Variants in RFX3 observed in about 807,000 individuals in gnomAD.
The protein encoded by RFX3 is transcription factor RFX3.
RFX3 carries 14 observed loss-of-function variants against 98.6 expected under a neutral mutation model. That is an observed-to-expected ratio of 0.14 (90% CI 0.09 to 0.22). The LOEUF is 0.22. RFX3 is among the 10% of genes least tolerant of loss of function. The pLI, the probability that RFX3 is intolerant of heterozygous loss-of-function variation, is 1.00. For missense variants in RFX3, 639 were observed against 926.9 expected, an observed-to-expected ratio of 0.69 and a Z score of 4.03; for synonymous variants, 383 against 328.4, an observed-to-expected ratio of 1.17 and a Z score of -1.80.
rs779400390 is a variant in RFX3 at position 3,330,263 on chromosome 9, G to T, written c.470C>A (p.Ala157Glu). ...SVTHTTRASP[A>E]TIEMAIETLQ... ...ACTAAAAATTCAAATACTTACTGTC[G>T]CTGGGGAGGCCCGAGTTGTGTGTGT... is the stretch of plus-strand genomic sequence containing the variant. The change falls in exon 4 of 17, where the codon GCG (alanine) becomes GAG (glutamate). Residue 157 changes from alanine (A) to glutamate (E), a missense_variant. Around this residue, in one of 9 missense-constraint regions of RFX3, gnomAD observed 210 missense variants for 197.7 expected, o/e 1.06. Coordinates refer to ENST00000617270, the MANE Select transcript of RFX3 (RefSeq NM_001282116.2). The T allele has an allele frequency of 1.2e-6, 2 of 1,613,972 alleles. No homozygotes were observed.
At chr9:3,239,011 A>C (rs1038954991) in intron 15 of RFX3, among the ~76,000 whole-genome samples, 18 of 152,198 alleles carry the variant, frequency 1.2e-4, no homozygotes, top group Admixed American at 2.6e-4. Context: ...AAAAAAAAAA[A>C]AAACAGAGAT....
At chr9:3,468,437 T>C (rs545983448) in intron 1 of RFX3, among the ~76,000 whole-genome samples, 1 of 152,286 alleles carries the variant, frequency 6.6e-6, no homozygotes, top group Non-Finnish European at 1.5e-5. Flanking sequence ...TCTACAATTT[T>C]AAGAATTATG....
At chr9:3,504,525 ATATAT>A (rs969966737) in intron 1 of RFX3, among the ~76,000 whole-genome samples, 1 of 133,114 alleles carries the variant, frequency 7.5e-6, no homozygotes, top group Non-Finnish European at 1.5e-5. Context: ...CATATAAAAT[ATATAT>A]TATATGCCAT....
intron 2 of RFX3, among the ~76,000 whole-genome samples, chr9:3,359,557 C>A (rs1836170858): frequency 1.3e-5 from 2 of 152,014 alleles, no homozygotes. Flanking sequence ...AGAATTCCAG[C>A]CCATCCCTAG....
chr9:3,291,330 G>A (rs1294406503), intron 6 of RFX3, among the ~76,000 whole-genome samples: 1 of 151,874 alleles, frequency 6.6e-6, no homozygotes, highest in African/African-American at 2.4e-5. Context: ...TGAGATTGGG[G>A]CACTGCACTC....
chr9:3,296,172 T>C (rs2986683), intron 5 of RFX3, among the ~76,000 whole-genome samples: 17,612 of 151,896 alleles, frequency 0.12, 2,836 homozygotes, highest in African/African-American at 0.36. Flanking sequence ...CTAGTACAAA[T>C]ATTAAAGTTT....
Position 3,327,278 on chromosome 9 carries a change from C to T in RFX3, c.474+2981G>A, listed in dbSNP as rs146039152. On this transcript the variant is annotated intron_variant, in intron 4 of 16. Coordinates refer to ENST00000617270, the MANE Select transcript of RFX3 (RefSeq NM_001282116.2). ...CATTTCTCACATTTGGCAAGAGGCACATGATATGAAATCTTAAATAGGTTT... is the reference window on the plus strand; with the variant it reads ...CATTTCTCACATTTGGCAAGAGGCATATGATATGAAATCTTAAATAGGTTT... Among the ~76,000 whole-genome samples the T allele has an allele frequency of 6.1e-3, 922 of 152,188 alleles. 3 individuals carry two copies. The highest frequency in any genetic ancestry group is 9.8e-3 in the Non-Finnish European group (666 of 68,000).
chr9:3,450,180 G>A (rs1026462298), intron 1 of RFX3, among the ~76,000 whole-genome samples: 4 of 152,104 alleles, frequency 2.6e-5, no homozygotes, highest in African/African-American at 9.7e-5. Context: ...TACTACTAAG[G>A]TTGCAATCAC....
intron 2 of RFX3, among the ~76,000 whole-genome samples, chr9:3,354,266 A>C (rs1042876906): frequency 3.9e-5 from 6 of 151,908 alleles, no homozygotes; most frequent in Non-Finnish European, 7.4e-5. Context: ...TGAAATGATA[A>C]ACACGAACAG....
intron 6 of RFX3, 132 bp downstream of exon 6, chr9:3,292,945 T>C (rs147237240): frequency 0.014 from 9,225 of 649,746 alleles, 89 homozygotes; most frequent in Non-Finnish European, 0.02. Flanking sequence ...CTGGGGATGT[T>C]ATAAACTGAG....
intron 2 of RFX3, among the ~76,000 whole-genome samples, chr9:3,357,064 T>G (rs1176204354): frequency 6.6e-6 from 1 of 151,646 alleles, no homozygotes; most frequent in Admixed American, 6.6e-5. Context: ...ATACAAATAT[T>G]ATATTTAATA....
chr9:3,496,664 T>C (rs1272475816), intron 1 of RFX3, among the ~76,000 whole-genome samples: 3 of 152,002 alleles, frequency 2.0e-5, no homozygotes, highest in Non-Finnish European at 2.9e-5. Flanking sequence ...AATATTCCCA[T>C]TTTTACATTA....
At chr9:3,503,301 T>A in intron 1 of RFX3, among the ~76,000 whole-genome samples, 1 of 152,264 alleles carries the variant, frequency 6.6e-6, no homozygotes, top group African/African-American at 2.4e-5. Context: ...TATATAATTG[T>A]ATAAGTTCAA....
At chr9:3,501,557 T>C (rs1006612824) in intron 1 of RFX3, among the ~76,000 whole-genome samples, 13 of 145,962 alleles carry the variant, frequency 8.9e-5, no homozygotes, top group Non-Finnish European at 1.5e-4. Flanking sequence ...TTTCCTTCTT[T>C]TTTTTTTTTT....
At chr9:3,354,893 G>C (rs1835567842) in intron 2 of RFX3, among the ~76,000 whole-genome samples, 1 of 151,702 alleles carries the variant, frequency 6.6e-6, no homozygotes, top group South Asian at 2.1e-4. Flanking sequence ...TGACTATGTA[G>C]AGCAAAAATA....
chr9:3,502,170 A>T (rs567461003), intron 1 of RFX3, among the ~76,000 whole-genome samples: 1 of 151,648 alleles, frequency 6.6e-6, no homozygotes, highest in Non-Finnish European at 1.5e-5. Flanking sequence ...GAGGCAGGAG[A>T]ATGGTGTGAA....
chr9:3,434,971 A>G (rs1470842648), intron 1 of RFX3, among the ~76,000 whole-genome samples: 2 of 151,964 alleles, frequency 1.3e-5, no homozygotes, highest in Admixed American at 1.3e-4. Context: ...ATTATAGGCA[A>G]TTGAAACACA....
intron 1 of RFX3, among the ~76,000 whole-genome samples, chr9:3,506,106 A>G (rs1587892013): frequency 6.6e-6 from 1 of 151,982 alleles, no homozygotes; most frequent in African/African-American, 2.4e-5. Context: ...ATGACTTCAC[A>G]AACGGCACTA....
At chr9:3,259,411 T>C (rs1198913964) in intron 13 of RFX3, among the ~76,000 whole-genome samples, 1 of 151,782 alleles carries the variant, frequency 6.6e-6, no homozygotes, top group Non-Finnish European at 1.5e-5. Context: ...ATACTAACAA[T>C]AGAGCGCATT....
Sources: gnomAD v4.1 joint callset for allele counts (sites outside exome capture counted in the v4.1 genomes callset) on GRCh38, gnomAD v4.1.1 for gene constraint, gnomAD v4.1.1 regional missense constraint, MANE v1.5 for transcripts, NCBI Gene and HGNC (gene_info 2026-07-23, HGNC 2026-07-21) for gene names.